The following CD177 variants were observed in gnomAD, a reference collection of about 807,000 sequenced individuals.
The protein encoded by CD177 is CD177 molecule, also known as CD177 antigen.
In CD177, 41 loss-of-function variants were observed where a neutral mutation model predicts 38.1. The observed-to-expected ratio is 1.07, with a 90% CI of 0.84 to 1.39. The LOEUF (loss-of-function observed/expected upper bound fraction) is 1.39, where lower values mean the gene tolerates loss of function less well. Among genes scored for constraint, CD177 ranks in the 40% most tolerant of loss-of-function variants. The pLI, the probability that CD177 is intolerant of heterozygous loss-of-function variation, is 0.00. For synonymous variants in CD177, 236 were observed against 216.7 expected (o/e 1.09, Z -0.78); for missense variants, 619 against 523.8 (o/e 1.18, Z -1.77).
chr19:43,354,200 G>C lies in CD177; in HGVS notation c.194-7G>C. 1.2e-6 allele frequency: 2 copies of C among 1,610,254 alleles called. No homozygotes were observed. Among genetic ancestry groups the C allele is most frequent in the South Asian group, 1.1e-5 (1 of 90,618 alleles). ...CCATCCTCGCTTGCCTCCCTCTTTC[G>C]GTCCAGGACCCCAAGTGAGCCTGGT... On this transcript the variant is annotated splice_polypyrimidine_tract_variant and splice_region_variant and intron_variant, in intron 2 of 8. Transcript: ENST00000618265.
Position 43,362,225 on chromosome 19 carries a change from G to A in CD177, c.1219G>A (p.Gly407Arg). 1 of 1,612,572 alleles carries A rather than the reference G, an allele frequency of 6.2e-7. No homozygotes were observed. The highest frequency in any genetic ancestry group is 8.5e-7 in the Non-Finnish European group (1 of 1,178,638). ...GCAGCCTCCTGCCTCTCAGCATGAG[G>A]GAGGTGGGGCTGAGGGCCTGGAGTC... is the stretch of plus-strand genomic sequence containing the variant. ...DVQPPASQHE[G>R]GGAEGLESLT... Residue 407 changes from glycine (G) to arginine (R), a missense_variant, in exon 9 of 9, where the codon GGA becomes AGA. Transcript: ENST00000618265.
chr19:43,354,972 G>A (rs375125683), intron 3 of CD177, among the ~76,000 whole-genome samples: 395 of 151,272 alleles, frequency 2.6e-3, no homozygotes, highest in African/African-American at 9.2e-3. Flanking sequence ...GTCTCCCCTC[G>A]GAAGGCCAGA....
chr19:43,359,827 AGT>A (rs1969934659), intron 5 of CD177, among the ~76,000 whole-genome samples: 1 of 115,492 alleles, frequency 8.7e-6, no homozygotes, highest in African/African-American at 3.7e-5. Flanking sequence ...GTGCAGAGGC[AGT>A]GCTCAGCGGC....
chr19:43,361,578 A>G lies in CD177; in HGVS notation c.1080A>G (p.Gly360=). 6.4e-7 allele frequency: 1 copy of G among 1,561,696 alleles called. No individual in the cohort carries two copies. The highest frequency in any genetic ancestry group is 8.7e-7 in the Non-Finnish European group (1 of 1,151,218). Residue 360 remains glycine, a splice_region_variant and synonymous_variant, in exon 8 of 9, where the codon GGA becomes GGG. Transcript: ENST00000618265. ...HCYDGYIHLS[G]GGLSTKMSIQ... Reference sequence around the variant, plus strand: ...ATGATGGGTACATTCATCTCTCAGGAGGTGAGTGCTGCAAGCAGGGCCCCA... The same window carrying G: ...ATGATGGGTACATTCATCTCTCAGGGGGTGAGTGCTGCAAGCAGGGCCCCA...
At position 43,360,293 on chromosome 19, in the gene CD177, C is replaced by T. The variant is rs1252261937; in HGVS notation, c.648C>T (p.Thr216=). 1.2e-6 allele frequency: 2 copies of T among 1,613,332 alleles called. No homozygotes were observed. The highest frequency in any genetic ancestry group is 3.3e-5 in the Admixed American group (2 of 59,952). ...KDFLTCHRGT[T]IMTHGNLAQE... Reference sequence around the variant, plus strand: ...TTCTGACCTGTCATCGGGGGACCACCATTATGACACACGGAAACTTGGCTC... The same window carrying T: ...TTCTGACCTGTCATCGGGGGACCACTATTATGACACACGGAAACTTGGCTC... Residue 216 remains threonine (T), a synonymous_variant, in exon 6 of 9, where the codon ACC becomes ACT. Coordinates refer to ENST00000618265, the MANE Select transcript of CD177 (RefSeq NM_020406.4).
chr19:43,361,846 C>T (rs1969972675), intron 8 of CD177, among the ~76,000 whole-genome samples: 1 of 138,808 alleles, frequency 7.2e-6, no homozygotes, highest in Non-Finnish European at 1.5e-5. Flanking sequence ...GGGGCCGGGG[C>T]TCCTGGGTCT....
At chr19:43,355,611 A>C (rs1969916851) in intron 3 of CD177, 50 bp from the exon 4 acceptor site, 6 of 1,609,772 alleles carry the variant, frequency 3.7e-6, no homozygotes, top group Non-Finnish European at 5.1e-6. Flanking sequence ...GTATCTGATC[A>C]AATCCAGTGC....
At chr19:43,359,702 T>C (rs559672453) in intron 5 of CD177, among the ~76,000 whole-genome samples, 14 of 50,792 alleles carry the variant, frequency 2.8e-4, no homozygotes, top group African/African-American at 1.1e-3. Flanking sequence ...AGGGTGTTGA[T>C]TGTGATCACA....
Position 43,360,317 on chromosome 19 carries a change from T to C in CD177, c.672T>C (p.Ala224=), listed in dbSNP as rs992582627. The C allele has an allele frequency of 6.2e-7, 1 of 1,613,052 alleles. No individual in the cohort carries two copies. The highest frequency in any genetic ancestry group is 8.5e-7 in the Non-Finnish European group (1 of 1,179,580). ...GTTIMTHGNL[A]QEPTDWTTSN... is the part of the protein sequence containing the mutation. ...CCATTATGACACACGGAAACTTGGC[T>C]CAAGAACCCACTGATTGGACCACAT... Residue 224 remains alanine, a synonymous_variant, in exon 6 of 9, where the codon GCT becomes GCC. Coordinates refer to ENST00000618265, the MANE Select transcript of CD177 (RefSeq NM_020406.4).
chr19:43,362,332 C>A lies in CD177; in HGVS notation c.*12C>A. 8.4e-6 allele frequency: 11 copies of A among 1,307,810 alleles called. No individual in the cohort carries two copies. The highest frequency in any genetic ancestry group is 1.2e-5 in the Non-Finnish European group (11 of 930,030). 81.0% of individuals were successfully genotyped at this position (1,307,810 alleles called of 1,614,324 possible). On this transcript the variant is annotated 3_prime_UTR_variant, in exon 9 of 9. Coordinates refer to ENST00000618265, the MANE Select transcript of CD177 (RefSeq NM_020406.4). Reference sequence around the variant, plus strand: ...GCCCTTCCTGCTAACTCTATTACCCCCACGATTCTTCACCGCTGCTGACCA... The same window carrying A: ...GCCCTTCCTGCTAACTCTATTACCCACACGATTCTTCACCGCTGCTGACCA...
At position 43,353,910 on chromosome 19, in the gene CD177, A is replaced by G; in HGVS notation, c.110A>G (p.Asp37Gly). The G allele has an allele frequency of 1.2e-6, 2 of 1,613,820 alleles. No individual in the cohort carries two copies. Among genetic ancestry groups the G allele is most frequent in the Non-Finnish European group, 1.7e-6 (2 of 1,179,830 alleles). ...GTTCAGCATGTGTGGAAGGTGTCCG[A>G]CCTGCCCCGGCAATGGACCCCTAAG... ...GTVQHVWKVSDLPRQWTPKNT... is the reference protein window; with the variant it reads ...GTVQHVWKVSGLPRQWTPKNT... Residue 37 changes from aspartate (D) to glycine (G), a missense_variant, in exon 2 of 9, where the codon GAC becomes GGC. By Grantham distance (94) the Asp-to-Gly change is moderately conservative (BLOSUM62 -1). Transcript: ENST00000618265.
At chr19:43,360,825 C>G (rs1969951897) in intron 6 of CD177, 1 of 515,398 alleles carries the variant, frequency 1.9e-6, no homozygotes. Flanking sequence ...GAATGGAGAT[C>G]CCAGCTCTGC....
intron 5 of CD177, 35 bp downstream of exon 5, chr19:43,356,143 A>G: frequency 2.0e-6 from 1 of 495,492 alleles, no homozygotes; most frequent in Non-Finnish European, 3.6e-6. Flanking sequence ...CCTGGACTGC[A>G]GCCTCGGGGC....
rs779576036 is a variant in CD177 at position 43,360,386 on chromosome 19, G to A, written c.741G>A (p.Thr247=). Residue 247 remains threonine (T), a synonymous_variant, in exon 6 of 9, where the codon ACG becomes ACA. Coordinates refer to ENST00000618265, the MANE Select transcript of CD177 (RefSeq NM_020406.4). ...AGGTGGGGCAGGTGTGTCAGGAGACGCTGCTGCTCCTAGATGTAGGTACGT... is the reference window on the plus strand; with the variant it reads ...AGGTGGGGCAGGTGTGTCAGGAGACACTGCTGCTCCTAGATGTAGGTACGT... ...MCEVGQVCQE[T]LLLLDVGLTS... 2.8e-5 allele frequency: 45 copies of A among 1,604,588 alleles called. No individual in the cohort carries two copies. Among genetic ancestry groups the A allele is most frequent in the Non-Finnish European group, 3.6e-5 (42 of 1,175,762 alleles).
Position 43,353,863 on chromosome 19 carries a change from G to C in CD177, c.63G>C (p.Ala21=). Residue 21 remains alanine (A), a synonymous_variant, in exon 2 of 9, where the codon GCG becomes GCC. Coordinates refer to ENST00000618265, the MANE Select transcript of CD177 (RefSeq NM_020406.4). ...CTCTTGCCACTCCAGGAGTGCAGGC[G>C]CTGCTCTGCCAGTTTGGGACAGTTC... is the stretch of plus-strand genomic sequence containing the variant. ...GFILPLPGVQ[A]LLCQFGTVQH... is the part of the protein sequence containing the mutation. The C allele has an allele frequency of 6.2e-7, 1 of 1,613,874 alleles. No individual in the cohort carries two copies. Among genetic ancestry groups the C allele is most frequent in the Non-Finnish European group, 8.5e-7 (1 of 1,179,852 alleles).
At chr19:43,365,957 C>T (rs934606875), downstream of CD177, among the ~76,000 whole-genome samples, 1 of 152,106 alleles carries the variant, frequency 6.6e-6, no homozygotes, top group African/African-American at 2.4e-5. Context: ...TCAGAGAGCA[C>T]CCGGCCCTGA....
rs1343878634 is a variant in CD177 at position 43,361,524 on chromosome 19, G to T, written c.1026G>T (p.Met342Ile). The change falls in exon 8 of 9, where the codon ATG becomes ATT. Residue 342 changes from methionine (M) to isoleucine (I), a missense_variant. Transcript: ENST00000618265. ...CCTGTTCAAGTGGCTCCCCCCGAAT[G>T]ACCTGCCCCAGGGGCGCCACTCATT... ...LGTCSSGSPR[M>I]TCPRGATHCY... The T allele has an allele frequency of 3.8e-6, 6 of 1,592,662 alleles. No homozygotes were observed. Among genetic ancestry groups the T allele is most frequent in the African/African-American group, 2.7e-5 (2 of 73,800 alleles).
intron 2 of CD177, 84 bp from the exon 3 acceptor site, chr19:43,354,123 C>A: frequency 1.3e-6 from 2 of 1,561,480 alleles, no homozygotes. Flanking sequence ...TCCAGCCTCT[C>A]AGCCTACGCC....
At chr19:43,354,085 C>T (rs1969883491) in intron 2 of CD177, 92 bp downstream of exon 2, 2 of 1,567,210 alleles carry the variant, frequency 1.3e-6, no homozygotes, top group East Asian at 2.3e-5. Context: ...TCCGGGGGAT[C>T]GACTCCTAGG....
Sources: allele counts gnomAD v4.1 joint callset (sites outside exome capture counted in the v4.1 genomes callset), GRCh38; gene constraint gnomAD v4.1.1; transcripts MANE v1.5; gene names NCBI Gene and HGNC (gene_info 2026-07-23, HGNC 2026-07-21).